The following SYT17 variants were observed in gnomAD, a reference collection of about 807,000 sequenced individuals.
SYT17 encodes synaptotagmin-17.
A neutral mutation model predicts 46.7 loss-of-function variants in SYT17; 22 were observed. The ratio of observed to expected loss-of-function variants is 0.47; its 90% CI spans 0.34 to 0.67. SYT17 has a LOEUF of 0.67. SYT17 is among the 30% of genes least tolerant of loss of function. The pLI is 0.01. For missense variants in SYT17, 519 were observed against 612.8 expected, an observed-to-expected ratio of 0.85 and a Z score of 1.62; for synonymous variants, 251 against 248.4, an observed-to-expected ratio of 1.01 and a Z score of -0.10.
In SYT17 at chr16:19,267,118, A is replaced by AAAAG. The variant is rs1293332941; in HGVS notation, c.*45_*46insGAAA. 6.7e-7 allele frequency: 1 copy of AAAAG among 1,500,470 alleles called. No homozygotes were observed. The highest frequency in any genetic ancestry group is 2.4e-5 in the East Asian group (1 of 41,026). The allele number at this position is 1,500,470 out of a possible 1,614,324, so 92.9% of individuals were successfully genotyped here. On this transcript the variant is annotated 3_prime_UTR_variant, in exon 8 of 8. Coordinates refer to ENST00000355377, the MANE Select transcript of SYT17 (RefSeq NM_016524.4). Reference sequence around the variant, plus strand: ...AGCTTTCATTTGTTTAAAAAAAAAAAAAAAAGACGGAAAAAAATGTGTCAC... The same window carrying AAAAG: ...AGCTTTCATTTGTTTAAAAAAAAAAAAAAGAAAAAGACGGAAAAAAATGTGTCAC...
At chr16:19,240,429 G>A (rs574017796) in intron 7 of SYT17, among the ~76,000 whole-genome samples, 4 of 152,150 alleles carry the variant, frequency 2.6e-5, no homozygotes, top group Non-Finnish European at 5.9e-5. Context: ...TGCTAGGCAG[G>A]TCATCCAAGT....
chr16:19,259,989 T>C (rs1968849053), intron 7 of SYT17, among the ~76,000 whole-genome samples: 1 of 152,072 alleles, frequency 6.6e-6, no homozygotes, highest in Non-Finnish European at 1.5e-5. Context: ...ATGGGACAGC[T>C]GGAAACAGGG....
At chr16:19,265,796 G>T (rs993344654) in intron 7 of SYT17, among the ~76,000 whole-genome samples, 1 of 152,188 alleles carries the variant, frequency 6.6e-6, no homozygotes, top group African/African-American at 2.4e-5. Context: ...CAAGTTAACC[G>T]TCTCATTAGG....
At chr16:19,235,998 A>C (rs1371802554) in intron 7 of SYT17, among the ~76,000 whole-genome samples, 1 of 152,200 alleles carries the variant, frequency 6.6e-6, no homozygotes, top group Admixed American at 6.5e-5. Flanking sequence ...ATGTCACATG[A>C]ATCCCAGAAG....
chr16:19,266,262 G>A (rs1349397284), intron 7 of SYT17, among the ~76,000 whole-genome samples: 1 of 152,226 alleles, frequency 6.6e-6, no homozygotes, highest in Admixed American at 6.5e-5. Flanking sequence ...TCCCGTTTGG[G>A]ATGCATTGGC....
intron 7 of SYT17, among the ~76,000 whole-genome samples, chr16:19,231,688 G>A (rs961417133): frequency 6.6e-6 from 1 of 152,066 alleles, no homozygotes; most frequent in Admixed American, 6.6e-5. Context: ...GAGGTGGGAG[G>A]GGGTGGGACC....
chr16:19,209,512 T>C (rs1413403270), intron 5 of SYT17, among the ~76,000 whole-genome samples: 1 of 152,126 alleles, frequency 6.6e-6, no homozygotes. Context: ...TATAATCCAG[T>C]GTGAAATGCA....
chr16:19,170,472 T>C (rs1964038822), intron 1 of SYT17: 1 of 152,158 alleles, frequency 6.6e-6, no homozygotes, highest in Admixed American at 6.5e-5. Flanking sequence ...GTGAATTGGT[T>C]CTCTTCCATC....
chr16:19,214,422 A>G (rs536759426), intron 5 of SYT17, among the ~76,000 whole-genome samples: 1 of 151,168 alleles, frequency 6.6e-6, no homozygotes, highest in Non-Finnish European at 1.5e-5. Flanking sequence ...GCAGCTCCGA[A>G]CTCCTGGGCT....
intron 5 of SYT17, among the ~76,000 whole-genome samples, chr16:19,221,370 G>A (rs1040871299): frequency 6.6e-6 from 1 of 152,120 alleles, no homozygotes. Flanking sequence ...GGGAATGCCA[G>A]CGTTACCAGA....
intron 5 of SYT17, among the ~76,000 whole-genome samples, chr16:19,205,989 T>C (rs1965656617): frequency 2.0e-5 from 3 of 151,316 alleles, no homozygotes. Context: ...TAAATATTTA[T>C]GGAAGGGAAG....
chr16:19,207,184 T>C (rs1232833814), intron 5 of SYT17, among the ~76,000 whole-genome samples: 1 of 152,284 alleles, frequency 6.6e-6, no homozygotes, highest in East Asian at 1.9e-4. Flanking sequence ...CCTGAGACCC[T>C]CACCAGAAGC....
intron 7 of SYT17, among the ~76,000 whole-genome samples, chr16:19,236,121 G>T (rs764397102): frequency 2.0e-5 from 3 of 152,140 alleles, no homozygotes; most frequent in Non-Finnish European, 4.4e-5. Flanking sequence ...AACCACTCTT[G>T]TTCTTCCCTT....
chr16:19,175,970 A>T (rs1313700811), intron 3 of SYT17, among the ~76,000 whole-genome samples: 1 of 152,158 alleles, frequency 6.6e-6, no homozygotes, highest in African/African-American at 2.4e-5. Flanking sequence ...TTTCAGTCTC[A>T]CGTAGGAGGT....
intron 7 of SYT17, among the ~76,000 whole-genome samples, chr16:19,230,488 C>A (rs908507000): frequency 1.2e-4 from 18 of 151,618 alleles, no homozygotes; most frequent in Non-Finnish European, 2.4e-4. Context: ...GAACTGTATA[C>A]CTAAAAATGG....
Position 19,219,264 on chromosome 16 carries a change from C to T in SYT17, c.952-3781C>T, listed in dbSNP as rs1270149839. Among the ~76,000 whole-genome samples the T allele has an allele frequency of 7.9e-5, 3 of 38,096 alleles. 1 individual carries two copies. The highest frequency in any genetic ancestry group is 2.0e-4 in the African/African-American group (1 of 4,900). The allele number at this position is 38,096 out of a possible 152,430, so 25.0% of individuals were successfully genotyped here. On this transcript the variant is annotated intron_variant, in intron 5 of 7. Transcript: ENST00000355377. ...AAAAATACAAAAAATTAGCCGGGCG[C>T]GGTGGCGGGCGCCTGTAGTCCCAGC...
intron 7 of SYT17, among the ~76,000 whole-genome samples, chr16:19,238,168 T>G (rs986062222): frequency 6.6e-6 from 1 of 152,186 alleles, no homozygotes. Flanking sequence ...CAGCAGAACA[T>G]GCTGATGGAT....
intron 7 of SYT17, among the ~76,000 whole-genome samples, chr16:19,250,313 T>G (rs780140229): frequency 2.6e-5 from 4 of 151,672 alleles, no homozygotes; most frequent in Non-Finnish European, 5.9e-5. Context: ...CATTTCAATG[T>G]GGGGCAGACT....
At chr16:19,266,779 A>G (rs1969388940) in intron 7 of SYT17, 101 bp from the exon 8 acceptor site, 1 of 1,070,090 alleles carries the variant, frequency 9.3e-7, no homozygotes. Flanking sequence ...TGCAGTTGAC[A>G]AATGTGTAGA....
Sources: allele counts gnomAD v4.1 joint callset (sites outside exome capture counted in the v4.1 genomes callset), GRCh38; gene constraint gnomAD v4.1.1; transcripts MANE v1.5; gene names NCBI Gene and HGNC (gene_info 2026-07-23, HGNC 2026-07-21).